CACNA1E: variants seen among roughly 807,000 people sequenced by gnomAD.
CACNA1E encodes the protein voltage-dependent R-type calcium channel subunit alpha-1E.
A neutral mutation model predicts 259.2 loss-of-function variants in CACNA1E; 40 were observed. That is an observed-to-expected ratio of 0.15 (90% CI 0.12 to 0.20). CACNA1E has a LOEUF of 0.20. CACNA1E is among the 10% of genes least tolerant of loss of function. The pLI is 1.00. For missense variants in CACNA1E, 1,874 were observed against 3,040.1 expected (o/e 0.62, Z 9.02); for synonymous variants, 1,104 against 1,138.5 (o/e 0.97, Z 0.61).
chr1:181,558,341 A>G (rs1648957283), intron 3 of CACNA1E, among the ~76,000 whole-genome samples: 1 of 152,202 alleles, frequency 6.6e-6, no homozygotes, highest in African/African-American at 2.4e-5. Context: ...ACATACATTT[A>G]TCGAGTACCT....
At chr1:181,584,661 T>C (rs2877652) in intron 6 of CACNA1E, among the ~76,000 whole-genome samples, 10,400 of 152,304 alleles carry the variant, frequency 0.068, 507 homozygotes, top group South Asian at 0.19. Context: ...GATGAAAAAC[T>C]ACCATTCTCT....
At chr1:181,562,359 GA>G (rs765835769) in intron 3 of CACNA1E, among the ~76,000 whole-genome samples, 14 of 152,086 alleles carry the variant, frequency 9.2e-5, no homozygotes, top group Non-Finnish European at 5.9e-5. Context: ...GTCTTAATTG[GA>G]ATTTGTTTGA....
intron 37 of CACNA1E, among the ~76,000 whole-genome samples, chr1:181,772,612 C>T (rs1165885359): frequency 6.6e-6 from 1 of 152,166 alleles, no homozygotes; most frequent in Non-Finnish European, 1.5e-5. Flanking sequence ...GGTATTTTAT[C>T]TTATAAGTAC....
intron 7 of CACNA1E, among the ~76,000 whole-genome samples, chr1:181,701,345 G>C (rs1254291019): frequency 6.6e-6 from 1 of 152,202 alleles, no homozygotes; most frequent in Non-Finnish European, 1.5e-5. Context: ...CTGTTAGGAT[G>C]CTTCTTTCAG....
At chr1:181,345,937 G>A (rs570603915) in intron 1 of CACNA1E, among the ~76,000 whole-genome samples, 4 of 152,318 alleles carry the variant, frequency 2.6e-5, no homozygotes, top group African/African-American at 9.6e-5. Flanking sequence ...TCCCCACAAC[G>A]TGTCCAGGGT....
At chr1:181,548,123 T>TTTTTTCTTG (rs371066215) in intron 3 of CACNA1E, among the ~76,000 whole-genome samples, 12 of 91,526 alleles carry the variant, frequency 1.3e-4, no homozygotes, top group African/African-American at 4.6e-4. Context: ...ATAACACTTT[T>TTTTTTCTTG]TTTTTCTTTT....
chr1:181,636,252 C>T (rs1657202818), intron 6 of CACNA1E, among the ~76,000 whole-genome samples: 1 of 152,174 alleles, frequency 6.6e-6, no homozygotes, highest in South Asian at 2.1e-4. Flanking sequence ...GGGATATAGT[C>T]CTGACTTGTC....
chr1:181,599,191 C>CACT (rs1182600519), intron 6 of CACNA1E, among the ~76,000 whole-genome samples: 2 of 152,054 alleles, frequency 1.3e-5, no homozygotes, highest in Non-Finnish European at 2.9e-5. Context: ...ATTTAGCTCC[C>CACT]ACTTATAAGT....
Position 181,766,684 on chromosome 1 carries a change from A to G in CACNA1E, c.4881+73A>G, listed in dbSNP as rs566476992. The stretch of plus-strand genomic sequence containing the variant: ...TAATCTCTGGCTTAGCAACCTAAGC[A>G]TGCAAGACCTGAAGATGCTTTGAAC... On this transcript the variant is annotated intron_variant, in intron 35 of 47. Coordinates refer to ENST00000367573, the MANE Select transcript of CACNA1E (RefSeq NM_001205293.3). 220 of 1,110,740 alleles carry G rather than the reference A, an allele frequency of 2.0e-4. 1 individual carries two copies. The South Asian group carries it at 2.4e-3, about 12-fold the overall frequency. The allele number at this position is 1,110,740 out of a possible 1,614,324, so 68.8% of individuals were successfully genotyped here.
intron 2 of CACNA1E, among the ~76,000 whole-genome samples, chr1:181,432,301 A>G (rs3911587): frequency 0.029 from 4,470 of 152,260 alleles, 238 homozygotes; most frequent in African/African-American, 0.1. Context: ...AGCAGAGGGA[A>G]AAAGTGGAAA....
intron 2 of CACNA1E, among the ~76,000 whole-genome samples, chr1:181,453,457 C>G (rs1195759981): frequency 6.6e-6 from 1 of 152,140 alleles, no homozygotes; most frequent in East Asian, 1.9e-4. Flanking sequence ...TTTTAACAAA[C>G]AGTTTCTGCC....
At chr1:181,346,268 G>A (rs781577290) in intron 1 of CACNA1E, among the ~76,000 whole-genome samples, 1 of 152,202 alleles carries the variant, frequency 6.6e-6, no homozygotes, top group East Asian at 1.9e-4. Flanking sequence ...ATTTTCCTGG[G>A]TCATACTTTC....
At chr1:181,690,062 C>G (rs1326043093) in intron 7 of CACNA1E, among the ~76,000 whole-genome samples, 1 of 152,112 alleles carries the variant, frequency 6.6e-6, no homozygotes, top group African/African-American at 2.4e-5. Context: ...TGCCTGTGTC[C>G]TGAATGGTAT....
In CACNA1E at chr1:181,737,591, T is replaced by C. The variant is rs775761051; in HGVS notation, c.3489T>C (p.Ile1163=). 5 of 1,613,912 alleles carry C rather than the reference T, an allele frequency of 3.1e-6. No individual in the cohort carries two copies. The highest frequency in any genetic ancestry group is 4.2e-6 in the Non-Finnish European group (5 of 1,179,850). ...TTGAGATGTGCATCCTCCTGGTGAT[T>C]GCAGCCAGCAGCATCGCCCTGGCGG... The part of the protein sequence containing the change: ...RYFEMCILLV[I]AASSIALAAE... The change falls in exon 23 of 48, where the codon ATT becomes ATC. Residue 1163 remains isoleucine (I), a synonymous_variant. Coordinates refer to ENST00000367573, the MANE Select transcript of CACNA1E (RefSeq NM_001205293.3).
At chr1:181,335,884 C>T (rs1651670829) in intron 1 of CACNA1E, among the ~76,000 whole-genome samples, 1 of 152,172 alleles carries the variant, frequency 6.6e-6, no homozygotes, top group Non-Finnish European at 1.5e-5. Context: ...AGTCCTTGGC[C>T]CCCACCCTAG....
chr1:181,507,022 T>C (rs1665769518), intron 1 of CACNA1E, among the ~76,000 whole-genome samples: 1 of 151,432 alleles, frequency 6.6e-6, no homozygotes, highest in Non-Finnish European at 1.5e-5. Flanking sequence ...CAAGGGCATA[T>C]ATATCTGAAC....
At chr1:181,674,107 C>A (rs532694077) in intron 7 of CACNA1E, among the ~76,000 whole-genome samples, 29 of 151,662 alleles carry the variant, frequency 1.9e-4, no homozygotes, top group Admixed American at 1.8e-3. Context: ...GGGCTGGGCG[C>A]GGTGGCTCAT....
At chr1:181,482,616 GC>G (rs1190052842), upstream of CACNA1E, among the ~76,000 whole-genome samples, 4 of 150,314 alleles carry the variant, frequency 2.7e-5, no homozygotes, top group African/African-American at 1.0e-4. Flanking sequence ...GCGCCTCGCT[GC>G]GCCTCTGCGC....
chr1:181,496,721 G>A (rs75352783), intron 1 of CACNA1E, among the ~76,000 whole-genome samples: 222 of 152,240 alleles, frequency 1.5e-3, no homozygotes, highest in Non-Finnish European at 2.1e-3. Context: ...TGGTGTGGAC[G>A]AGAATGGAGA....
Sources: gnomAD v4.1 joint callset for allele counts (sites outside exome capture counted in the v4.1 genomes callset) on GRCh38, gnomAD v4.1.1 for gene constraint, MANE v1.5 for transcripts, NCBI Gene and HGNC (gene_info 2026-07-23, HGNC 2026-07-21) for gene names.